ARHGAP18: variants seen among roughly 807,000 people sequenced by gnomAD.
ARHGAP18 encodes the protein Rho GTPase activating protein 18, also known as rho GTPase-activating protein 18.
A neutral mutation model predicts 86.2 loss-of-function variants in ARHGAP18; 67 were observed. The observed-to-expected ratio is 0.78, with a 90% CI of 0.64 to 0.95. The LOEUF (loss-of-function observed/expected upper bound fraction) is 0.95. Among genes scored for constraint, ARHGAP18 ranks in the 40% least tolerant of loss-of-function variants. ARHGAP18 has a pLI of 0.00. For synonymous variants in ARHGAP18, 283 were observed against 280.4 expected (o/e 1.01, Z -0.09); for missense variants, 691 against 780.4 (o/e 0.89, Z 1.37).
intron 1 of ARHGAP18, among the ~76,000 whole-genome samples, chr6:129,675,163 C>T (rs1457185053): frequency 1.3e-5 from 2 of 152,020 alleles, no homozygotes; most frequent in Non-Finnish European, 2.9e-5. Flanking sequence ...ATAACGTGGC[C>T]AATGTCACAT....
chr6:129,633,464 C>T (rs1471697163), intron 4 of ARHGAP18, among the ~76,000 whole-genome samples: 1 of 150,404 alleles, frequency 6.6e-6, no homozygotes, highest in African/African-American at 2.4e-5. Context: ...TTACTTTCTT[C>T]CATACCTCGA....
In ARHGAP18 at chr6:129,608,050, A is replaced by G. The variant is rs1165654757; in HGVS notation, c.1125T>C (p.Asn375=). Residue 375 remains asparagine (N), a splice_region_variant and synonymous_variant, in exon 9 of 15, where the codon AAT becomes AAC. Coordinates refer to ENST00000368149, the MANE Select transcript of ARHGAP18 (RefSeq NM_033515.3). ...RIPGAAIRIK[N]LCQELEAKFY... is the part of the protein sequence containing the mutation. ...ACTTTGCTTCTAGTTCTTGGCAAAG[A>G]TTCTGATAGGCACGAAAAAAAAAAA... is the stretch of plus-strand genomic sequence containing the variant. The G allele has an allele frequency of 4.4e-6, 4 of 917,780 alleles. No individual in the cohort carries two copies. The highest frequency in any genetic ancestry group is 6.7e-6 in the Non-Finnish European group (4 of 599,612). The allele number at this position is 917,780 out of a possible 1,614,324, so 56.9% of individuals were successfully genotyped here. A position where few individuals can be genotyped will look rare whatever the true frequency, so the allele number is the denominator to read the frequency against.
At chr6:129,701,404 A>T (rs781575875) in intron 1 of ARHGAP18, among the ~76,000 whole-genome samples, 19 of 152,204 alleles carry the variant, frequency 1.2e-4, no homozygotes, top group Admixed American at 3.3e-4. Flanking sequence ...AACAAGCCAG[A>T]TCATAAGCTG....
chr6:129,618,162 T>C (rs567395690), intron 6 of ARHGAP18, among the ~76,000 whole-genome samples: 5 of 151,806 alleles, frequency 3.3e-5, no homozygotes, highest in Non-Finnish European at 7.4e-5. Context: ...AATCTAGTGG[T>C]ATTGTTTTGT....
chr6:129,698,548 T>G lies in ARHGAP18; in HGVS notation c.113+11476A>C, dbSNP rs534766305. ...TGTTAAAGCACTTTTTTTTTTTTTT[T>G]TGGGTTGGGAGGGGAACGTAGTCTT... On this transcript the variant is annotated intron_variant, in intron 1 of 14. Transcript: ENST00000368149. 1.5e-3 allele frequency among the ~76,000 whole-genome samples: 222 copies of G among 151,166 alleles called. 1 individual carries two copies. The highest frequency in any genetic ancestry group is 3.4e-3 in the Middle Eastern group (1 of 294).
chr6:129,611,467 A>G, intron 8 of ARHGAP18, 66 bp downstream of exon 8: 1 of 1,395,364 alleles, frequency 7.2e-7, no homozygotes, highest in Non-Finnish European at 1.0e-6. Context: ...AGGACAAGTT[A>G]GCTTTTAAAA....
At chr6:129,604,586 GC>G (rs1788815001) in intron 10 of ARHGAP18, among the ~76,000 whole-genome samples, 2 of 152,130 alleles carry the variant, frequency 1.3e-5, no homozygotes, top group African/African-American at 4.8e-5. Flanking sequence ...TAGATCGTCA[GC>G]CCCACTTTGT....
chr6:129,676,255 C>G (rs577160886), intron 1 of ARHGAP18, among the ~76,000 whole-genome samples: 15 of 152,228 alleles, frequency 9.9e-5, no homozygotes, highest in African/African-American at 3.6e-4. Context: ...TGTCTTCTAA[C>G]GAGGGAAAGT....
chr6:129,670,296 C>T (rs1425715017), intron 1 of ARHGAP18, among the ~76,000 whole-genome samples: 1 of 152,166 alleles, frequency 6.6e-6, no homozygotes, highest in Non-Finnish European at 1.5e-5. Flanking sequence ...ATGGATATCT[C>T]ATTATTTTGA....
At chr6:129,634,178 G>T in intron 3 of ARHGAP18, 73 bp from the exon 4 acceptor site, 1 of 1,358,374 alleles carries the variant, frequency 7.4e-7, no homozygotes, top group African/African-American at 1.4e-5. Flanking sequence ...AAATAATTTT[G>T]TTATTAATCT....
chr6:129,667,408 T>A (rs9398915), intron 1 of ARHGAP18, among the ~76,000 whole-genome samples: 77,921 of 151,018 alleles, frequency 0.52, 20,860 homozygotes, highest in African/African-American at 0.66. Flanking sequence ...AAAAATTTAA[T>A]ATAATCAAAA....
chr6:129,599,415 C>CA (rs373864720), intron 11 of ARHGAP18, 59 bp from the exon 12 acceptor site: 342 of 1,299,506 alleles, frequency 2.6e-4, no homozygotes, highest in Non-Finnish European at 2.8e-4. Context: ...TTTTAAACTA[C>CA]AAAAAAAAAT....
In ARHGAP18 at chr6:129,638,752, T is replaced by C. The variant is rs529659240; in HGVS notation, c.317-123A>G. ...AACCAAACCACAGTGCTAAGAATCA[T>C]TATCTAAAACTTGGACAACTGCCAT... On this transcript the variant is annotated intron_variant, in intron 2 of 14. Transcript: ENST00000368149. 16 of 887,332 alleles carry C rather than the reference T, an allele frequency of 1.8e-5. No homozygotes were observed. The South Asian group carries it at 1.9e-4, about 11-fold the overall frequency. The allele number at this position is 887,332 out of a possible 1,614,324, so 55.0% of individuals were successfully genotyped here. A position where few individuals can be genotyped will look rare whatever the true frequency, so the allele number is the denominator to read the frequency against.
At chr6:129,651,544 C>T (rs1262199373) in intron 1 of ARHGAP18, among the ~76,000 whole-genome samples, 2 of 152,046 alleles carry the variant, frequency 1.3e-5, no homozygotes, top group Non-Finnish European at 2.9e-5. Context: ...CAAAAGACAC[C>T]AGCACCAGTG....
At chr6:129,590,079 G>A (rs1297528932) in intron 12 of ARHGAP18, among the ~76,000 whole-genome samples, 1 of 152,102 alleles carries the variant, frequency 6.6e-6, no homozygotes, top group Non-Finnish European at 1.5e-5. Flanking sequence ...AGCCATGCTG[G>A]CAGCTGATTA....
At chr6:129,585,944 T>C (rs1788387939) in intron 12 of ARHGAP18, among the ~76,000 whole-genome samples, 1 of 152,260 alleles carries the variant, frequency 6.6e-6, no homozygotes, top group African/African-American at 2.4e-5. Context: ...CTTCAGTCTA[T>C]GACCTTGACC....
chr6:129,686,519 C>G (rs1011608095), intron 1 of ARHGAP18, among the ~76,000 whole-genome samples: 1 of 152,170 alleles, frequency 6.6e-6, no homozygotes, highest in Admixed American at 6.5e-5. Flanking sequence ...AAAGACCAGA[C>G]GCTTACCCAG....
At chr6:129,662,841 A>C (rs1773978265) in intron 1 of ARHGAP18, among the ~76,000 whole-genome samples, 1 of 152,244 alleles carries the variant, frequency 6.6e-6, no homozygotes, top group South Asian at 2.1e-4. Flanking sequence ...AACACATCTC[A>C]ATTCCTAATA....
intron 1 of ARHGAP18, among the ~76,000 whole-genome samples, chr6:129,704,873 C>T (rs1774777651): frequency 1.3e-5 from 2 of 152,348 alleles, no homozygotes; most frequent in South Asian, 4.1e-4. Flanking sequence ...AGGTTATCAA[C>T]TCCCACCTTG....
Sources: gnomAD v4.1 joint callset for allele counts (sites outside exome capture counted in the v4.1 genomes callset) on GRCh38, gnomAD v4.1.1 for gene constraint, MANE v1.5 for transcripts, NCBI Gene and HGNC (gene_info 2026-07-23, HGNC 2026-07-21) for gene names.